The following ZBTB20 variants were observed in gnomAD, a reference collection of about 807,000 sequenced individuals.
ZBTB20 encodes the protein zinc finger and BTB domain-containing protein 20.
Under a neutral mutation model 56.9 loss-of-function variants are expected in ZBTB20, and 9 were observed. The observed-to-expected ratio is 0.16, with a 90% CI of 0.10 to 0.28. The LOEUF is 0.28. Among genes scored for constraint, ZBTB20 ranks in the 10% least tolerant of loss-of-function variants. The pLI is 1.00. For synonymous variants in ZBTB20, 417 were observed against 420.7 expected, an observed-to-expected ratio of 0.99 and a Z score of 0.11; for missense variants, 655 against 1,003.0, an observed-to-expected ratio of 0.65 and a Z score of 4.69.
intron 7 of ZBTB20, among the ~76,000 whole-genome samples, chr3:114,447,868 G>A (rs1326120957): frequency 6.6e-6 from 1 of 152,060 alleles, no homozygotes; most frequent in Non-Finnish European, 1.5e-5. Context: ...AATGCCATTT[G>A]GGATATTTCT....
chr3:114,828,381 T>C (rs1213380102), intron 4 of ZBTB20, among the ~76,000 whole-genome samples: 1 of 151,792 alleles, frequency 6.6e-6, no homozygotes, highest in East Asian at 1.9e-4. Flanking sequence ...GTTTCACCTT[T>C]CTGGAATTCA....
At chr3:114,734,335 C>A (rs2065978174) in intron 5 of ZBTB20, among the ~76,000 whole-genome samples, 1 of 151,944 alleles carries the variant, frequency 6.6e-6, no homozygotes, top group African/African-American at 2.4e-5. Context: ...TAAGAATAAG[C>A]AGCTTTCATG....
intron 3 of ZBTB20, among the ~76,000 whole-genome samples, chr3:114,967,639 T>C (rs2077697466): frequency 1.3e-5 from 2 of 152,112 alleles, no homozygotes; most frequent in African/African-American, 4.8e-5. Flanking sequence ...ATAAAGTCTC[T>C]TTCACCCTGA....
At chr3:115,063,452 G>C (rs1194213538) in intron 2 of ZBTB20, among the ~76,000 whole-genome samples, 2 of 152,136 alleles carry the variant, frequency 1.3e-5, no homozygotes, top group Non-Finnish European at 2.9e-5. Flanking sequence ...GTGGAAGCAA[G>C]CTTCTATAAG....
intron 5 of ZBTB20, among the ~76,000 whole-genome samples, chr3:114,785,613 A>G (rs190316691): frequency 4.0e-4 from 61 of 152,202 alleles, no homozygotes; most frequent in African/African-American, 1.5e-3. Context: ...GTTTTGGAGT[A>G]GTTTTCAGTA....
chr3:114,675,131 A>G (rs972608097), intron 6 of ZBTB20, among the ~76,000 whole-genome samples: 5 of 151,200 alleles, frequency 3.3e-5, no homozygotes, highest in African/African-American at 7.3e-5. Flanking sequence ...TATTTGCTGT[A>G]TAGCTAACAG....
At chr3:114,846,672 T>A (rs1168711134) in intron 4 of ZBTB20, among the ~76,000 whole-genome samples, 1 of 152,216 alleles carries the variant, frequency 6.6e-6, no homozygotes, top group Non-Finnish European at 1.5e-5. Flanking sequence ...ACAATGCTAG[T>A]TGCATTTTAA....
chr3:114,764,254 T>C (rs1349548925), intron 5 of ZBTB20, among the ~76,000 whole-genome samples: 19 of 4,834 alleles, frequency 3.9e-3, no homozygotes, highest in East Asian at 0.029. Context: ...TCTCTCTCTT[T>C]TTTTTTTTTT....
At chr3:114,819,941 A>C (rs1308839863) in intron 4 of ZBTB20, among the ~76,000 whole-genome samples, 1 of 151,982 alleles carries the variant, frequency 6.6e-6, no homozygotes, top group Non-Finnish European at 1.5e-5. Flanking sequence ...AAATCACTGC[A>C]AATTAAAACT....
At chr3:114,709,659 A>C (rs1426122962) in intron 5 of ZBTB20, among the ~76,000 whole-genome samples, 1 of 152,176 alleles carries the variant, frequency 6.6e-6, no homozygotes, top group African/African-American at 2.4e-5. Context: ...CATAACCTAT[A>C]ATCAGGACTT....
rs531418191 is a variant in ZBTB20, at chr3:114,957,187, T to C, written c.-456+17179A>G. On this transcript the variant is annotated intron_variant, in intron 3 of 11. Coordinates refer to ENST00000675478, the MANE Select transcript of ZBTB20 (RefSeq NM_001348800.3). ...TGCAGGCAACTCTTTAGTTATTTTC[T>C]CTTTTATCCTATCTTCACCAGAAAA... is the stretch of plus-strand genomic sequence containing the variant. Among the ~76,000 whole-genome samples, 4 of 152,336 alleles carry C rather than the reference T, an allele frequency of 2.6e-5. No individual in the cohort carries two copies. The South Asian group carries it at 8.3e-4, about 32-fold the overall frequency.
chr3:115,029,337 GA>G (rs771878721), intron 2 of ZBTB20, among the ~76,000 whole-genome samples: 42 of 8,632 alleles, frequency 4.9e-3, no homozygotes, highest in Middle Eastern at 0.17. Context: ...CAATAAAATT[GA>G]AGGGGGGGGG....
At position 114,955,331 on chromosome 3, in the gene ZBTB20, T is replaced by C. The variant is rs78948596; in HGVS notation, c.-456+19035A>G. 2.6e-3 allele frequency among the ~76,000 whole-genome samples: 392 copies of C among 152,328 alleles called. 2 individuals are homozygous for C. Among genetic ancestry groups the C allele is most frequent in the African/African-American group, 9.2e-3 (384 of 41,578 alleles). On this transcript the variant is annotated intron_variant, in intron 3 of 11. Coordinates refer to ENST00000675478, the MANE Select transcript of ZBTB20 (RefSeq NM_001348800.3). Reference sequence around the variant, plus strand: ...TGCACTAAGTGGTTGAGGATCAATATAAACAAAACACAGTTGCCTGAGTTC... The same window carrying C: ...TGCACTAAGTGGTTGAGGATCAATACAAACAAAACACAGTTGCCTGAGTTC...
At chr3:114,803,275 G>A (rs1372296984) in intron 4 of ZBTB20, among the ~76,000 whole-genome samples, 4 of 151,146 alleles carry the variant, frequency 2.6e-5, no homozygotes, top group South Asian at 2.1e-4. Flanking sequence ...AGAAAACAGA[G>A]CAATTGAAAA....
intron 6 of ZBTB20, among the ~76,000 whole-genome samples, chr3:114,655,358 T>A (rs1228315290): frequency 2.1e-5 from 3 of 146,100 alleles, no homozygotes; most frequent in African/African-American, 7.6e-5. Context: ...GTTCACGCCA[T>A]TCTCCTGCCT....
intron 3 of ZBTB20, among the ~76,000 whole-genome samples, chr3:114,962,982 GT>G (rs1368306657): frequency 6.6e-6 from 1 of 151,806 alleles, no homozygotes; most frequent in Non-Finnish European, 1.5e-5. Context: ...TTTAAGCCTA[GT>G]TTTTTTGTAG....
intron 1 of ZBTB20, among the ~76,000 whole-genome samples, chr3:115,121,892 T>G (rs1217643359): frequency 6.6e-6 from 1 of 152,064 alleles, no homozygotes; most frequent in East Asian, 1.9e-4. Context: ...AGTCTGTGTT[T>G]TTCTGTACTT....
At chr3:114,913,765 G>A (rs1277117389) in intron 3 of ZBTB20, among the ~76,000 whole-genome samples, 1 of 151,746 alleles carries the variant, frequency 6.6e-6, no homozygotes, top group South Asian at 2.1e-4. Flanking sequence ...TGTATATAAT[G>A]AGAGAGAAGG....
At chr3:115,032,829 A>G (rs2080748771) in intron 2 of ZBTB20, among the ~76,000 whole-genome samples, 1 of 151,396 alleles carries the variant, frequency 6.6e-6, no homozygotes, top group South Asian at 2.1e-4. Context: ...ATGAAAAAGT[A>G]TTATCCCAAA....
Sources: gnomAD v4.1 joint callset for allele counts (sites outside exome capture counted in the v4.1 genomes callset) on GRCh38, gnomAD v4.1.1 for gene constraint, MANE v1.5 for transcripts, NCBI Gene and HGNC (gene_info 2026-07-23, HGNC 2026-07-21) for gene names.